WWOX: variants seen among roughly 807,000 people sequenced by gnomAD.
The protein encoded by WWOX is WW domain containing oxidoreductase.
In WWOX, 69 loss-of-function variants were observed where a neutral mutation model predicts 46.2. The ratio of observed to expected loss-of-function variants is 1.49; its 90% CI spans 1.23 to 1.82. The LOEUF (loss-of-function observed/expected upper bound fraction) is 1.82, where lower values mean the gene tolerates loss of function less well. WWOX is among the 40% of genes most tolerant of loss of function. The probability of loss-of-function intolerance (pLI) is 0.00; values close to 1 mark genes in which losing one functional copy is unlikely to be tolerated. For synonymous variants in WWOX, 359 were observed against 202.6 expected, an observed-to-expected ratio of 1.77 and a Z score of -6.56; for missense variants, 919 against 542.6, an observed-to-expected ratio of 1.69 and a Z score of -6.89.
chr16:78,126,332 C>A (rs1040336387), intron 4 of WWOX, among the ~76,000 whole-genome samples: 2 of 152,156 alleles, frequency 1.3e-5, no homozygotes, highest in Admixed American at 1.3e-4. Context: ...TGTCAAACTG[C>A]CCTGGAAGAT....
chr16:79,071,076 C>A (rs2048541404), intron 8 of WWOX, among the ~76,000 whole-genome samples: 1 of 152,164 alleles, frequency 6.6e-6, no homozygotes, highest in Non-Finnish European at 1.5e-5. Flanking sequence ...AAAGCACTGA[C>A]CTTCTCTTTT....
chr16:78,521,991 A>G (rs1418655676), intron 8 of WWOX, among the ~76,000 whole-genome samples: 1 of 152,142 alleles, frequency 6.6e-6, no homozygotes, highest in East Asian at 1.9e-4. Flanking sequence ...AGTTTTCAGG[A>G]AACTGAAATT....
chr16:78,856,433 A>C (rs956611846), intron 8 of WWOX, among the ~76,000 whole-genome samples: 3 of 152,320 alleles, frequency 2.0e-5, no homozygotes, highest in African/African-American at 7.2e-5. Context: ...GCTTGAGGTC[A>C]AGAGTTCGAG....
intron 5 of WWOX, among the ~76,000 whole-genome samples, chr16:78,386,085 A>G (rs896069890): frequency 5.3e-5 from 8 of 151,974 alleles, no homozygotes; most frequent in African/African-American, 1.7e-4. Flanking sequence ...GGGCTTCTTT[A>G]TCAGTGACTG....
chr16:79,210,891 A>G (rs185822347), intron 8 of WWOX, among the ~76,000 whole-genome samples: 1 of 152,200 alleles, frequency 6.6e-6, no homozygotes, highest in Non-Finnish European at 1.5e-5. Flanking sequence ...TACATTTTGA[A>G]GTGGGCTGGG....
chr16:78,402,697 A>C (rs1000830938), intron 6 of WWOX, among the ~76,000 whole-genome samples: 1 of 152,216 alleles, frequency 6.6e-6, no homozygotes, highest in Non-Finnish European at 1.5e-5. Flanking sequence ...ACAAGGTGTT[A>C]CATGACTCAT....
intron 8 of WWOX, among the ~76,000 whole-genome samples, chr16:79,136,074 A>C (rs1035627618): frequency 2.6e-5 from 4 of 152,160 alleles, no homozygotes; most frequent in Non-Finnish European, 4.4e-5. Context: ...CTGAATGCAC[A>C]GTGAATTTGG....
rs1227815559 is a variant in WWOX, at chr16:79,093,255, G to A, written c.1057-118353G>A. Among the ~76,000 whole-genome samples the A allele has an allele frequency of 2.0e-5, 3 of 152,148 alleles. No individual in the cohort carries two copies. The East Asian group carries it at 5.8e-4, about 29-fold the overall frequency. Reference sequence around the variant, plus strand: ...GGAGGTGGGGAGAGAGGCAGATTTTGGAGGCGAAAGATACACAGAAACACT... The same window carrying A: ...GGAGGTGGGGAGAGAGGCAGATTTTAGAGGCGAAAGATACACAGAAACACT... On this transcript the variant is annotated intron_variant, in intron 8 of 8. Transcript: ENST00000566780.
In WWOX at chr16:78,945,086, A is replaced by G. The variant is rs112555178; in HGVS notation, c.1057-266522A>G. ...TCGCAGGTACTTGGGAGGCTGAGGTAAGGGGATTGCTGGAGCCTGGGATAT... is the reference window on the plus strand; with the variant it reads ...TCGCAGGTACTTGGGAGGCTGAGGTGAGGGGATTGCTGGAGCCTGGGATAT... On this transcript the variant is annotated intron_variant, in intron 8 of 8. Transcript: ENST00000566780. Among the ~76,000 whole-genome samples, 1,271 of 152,200 alleles carry G rather than the reference A, an allele frequency of 8.4e-3. 16 individuals carry two copies. Among genetic ancestry groups the G allele is most frequent in the African/African-American group, 0.029 (1,204 of 41,522 alleles).
At chr16:79,204,657 G>GCGTACCAAGGTCGCCCTGAC (rs2051449265) in intron 8 of WWOX, 3 of 152,140 alleles carry the variant, frequency 2.0e-5, no homozygotes, top group East Asian at 3.9e-4. Flanking sequence ...CAGGCCCTGA[G>GCGTACCAAGGTCGCCCTGAC]AGCGTACCAA....
chr16:78,475,416 ATT>A (rs1222770190), intron 8 of WWOX, among the ~76,000 whole-genome samples: 5 of 152,060 alleles, frequency 3.3e-5, no homozygotes, highest in African/African-American at 1.2e-4. Flanking sequence ...ATTTGTAAAT[ATT>A]TTGCTTAGTT....
chr16:78,855,604 C>G (rs1455749843), intron 8 of WWOX, among the ~76,000 whole-genome samples: 1 of 152,140 alleles, frequency 6.6e-6, no homozygotes, highest in African/African-American at 2.4e-5. Flanking sequence ...AGCTGTAGCC[C>G]ATCAGATTCT....
At chr16:78,872,516 G>T (rs1365360156) in intron 8 of WWOX, among the ~76,000 whole-genome samples, 1 of 152,168 alleles carries the variant, frequency 6.6e-6, no homozygotes, top group Non-Finnish European at 1.5e-5. Flanking sequence ...GGCATCTGTG[G>T]CCTTGAACAA....
At chr16:78,802,962 C>G (rs1003015051) in intron 8 of WWOX, among the ~76,000 whole-genome samples, 1 of 76,450 alleles carries the variant, frequency 1.3e-5, no homozygotes, top group African/African-American at 4.4e-5. Flanking sequence ...GAAAAATGAA[C>G]GAGTGAGTGG....
rs144878878 is a variant in WWOX at position 79,192,203 on chromosome 16, A to G, written c.1057-19405A>G. ...TCTAATAGGGAATGTGTGTATTTTT[A>G]AAGTCTGGGTAAGCACTGTGAGTCA... On this transcript the variant is annotated intron_variant, in intron 8 of 8. Transcript: ENST00000566780. Among the ~76,000 whole-genome samples the G allele has an allele frequency of 5.9e-3, 905 of 152,352 alleles. 6 individuals are homozygous for G. Among genetic ancestry groups the G allele is most frequent in the Non-Finnish European group, 8.6e-3 (582 of 68,038 alleles).
chr16:78,158,165 C>T (rs557007884), intron 4 of WWOX, among the ~76,000 whole-genome samples: 1 of 152,234 alleles, frequency 6.6e-6, no homozygotes, highest in African/African-American at 2.4e-5. Flanking sequence ...AAGATTAGGC[C>T]TGTGGGAGTG....
intron 8 of WWOX, among the ~76,000 whole-genome samples, chr16:79,104,449 C>T (rs1331591968): frequency 3.3e-5 from 5 of 152,136 alleles, no homozygotes; most frequent in African/African-American, 1.2e-4. Context: ...ATCCATTCAT[C>T]CGTCTATCAT....
intron 8 of WWOX, among the ~76,000 whole-genome samples, chr16:78,555,553 C>G (rs924436147): frequency 6.6e-6 from 1 of 150,620 alleles, no homozygotes; most frequent in African/African-American, 2.4e-5. Flanking sequence ...TATATGCAGG[C>G]CAGTACCACA....
intron 8 of WWOX, among the ~76,000 whole-genome samples, chr16:78,823,580 C>G (rs2051564435): frequency 1.3e-5 from 2 of 152,076 alleles, no homozygotes; most frequent in Non-Finnish European, 2.9e-5. Flanking sequence ...TTAATAAAGG[C>G]TTCATCTGAA....
Sources: allele counts gnomAD v4.1 joint callset (sites outside exome capture counted in the v4.1 genomes callset), GRCh38; gene constraint gnomAD v4.1.1; transcripts MANE v1.5; gene names NCBI Gene and HGNC (gene_info 2026-07-23, HGNC 2026-07-21).